The following EREG variants were observed in gnomAD, a reference collection of about 807,000 sequenced individuals.
EREG encodes the protein epiregulin.
Under a neutral mutation model 22.4 loss-of-function variants are expected in EREG, and 23 were observed. That is an observed-to-expected ratio of 1.03 (90% CI 0.74 to 1.46). The LOEUF (loss-of-function observed/expected upper bound fraction) is 1.46, where lower values mean the gene tolerates loss of function less well. Among genes scored for constraint, EREG ranks in the 40% most tolerant of loss-of-function variants. The pLI is 0.00. For synonymous variants in EREG, 100 were observed against 75.4 expected (o/e 1.33, Z -1.69); for missense variants, 226 against 205.9 (o/e 1.10, Z -0.60).
At chr4:74,377,532 G>A (rs531858614) in intron 1 of EREG, among the ~76,000 whole-genome samples, 1 of 152,206 alleles carries the variant, frequency 6.6e-6, no homozygotes, top group East Asian at 1.9e-4. Context: ...GCCCTGAGAG[G>A]ACTAAATAAT....
chr4:74,368,402 T>C (rs1183892918), intron 1 of EREG, among the ~76,000 whole-genome samples: 1 of 152,356 alleles, frequency 6.6e-6, no homozygotes, highest in East Asian at 1.9e-4. Context: ...AAGGTTTACA[T>C]TAAGTAAAGC....
intron 1 of EREG, among the ~76,000 whole-genome samples, chr4:74,375,550 C>T (rs976895235): frequency 6.7e-6 from 1 of 150,284 alleles, no homozygotes; most frequent in Non-Finnish European, 1.5e-5. Flanking sequence ...AGGATGGTCT[C>T]GATATCCTGA....
intron 1 of EREG, among the ~76,000 whole-genome samples, chr4:74,366,910 GA>G (rs1473411806): frequency 6.6e-6 from 1 of 152,136 alleles, no homozygotes. Context: ...CTGCCACTAG[GA>G]AAGTTCCTGT....
chr4:74,386,074 T>C lies in EREG; in HGVS notation c.*1266T>C. 3.0e-6 allele frequency: 1 copy of C among 338,954 alleles called. No individual in the cohort carries two copies. The highest frequency in any genetic ancestry group is 4.1e-5 in the East Asian group (1 of 24,342). 21.0% of individuals were successfully genotyped at this position (338,954 alleles called of 1,614,324 possible). ...TTTATTTTTTGGAAGAGACAAAGAT[T>C]TCTTCTGCACTCTGAGCCCATAGGT... On this transcript the variant is annotated 3_prime_UTR_variant, in exon 5 of 5. Transcript: ENST00000244869.
Position 74,372,975 on chromosome 4 carries a change from T to G in EREG, c.68-6473T>G, listed in dbSNP as rs1022021323. Among the ~76,000 whole-genome samples the G allele has an allele frequency of 9.5e-4, 6 of 6,316 alleles. No homozygotes were observed. The East Asian group carries it at 0.061, about 64-fold the overall frequency. The allele number at this position is 6,316 out of a possible 152,430, so 4.1% of individuals were successfully genotyped here. A position where few individuals can be genotyped will look rare whatever the true frequency, so the allele number is the denominator to read the frequency against. On this transcript the variant is annotated intron_variant, in intron 1 of 4. Coordinates refer to ENST00000244869, the MANE Select transcript of EREG (RefSeq NM_001432.3). ...GGCGCCCACCACCACATCTGGCTAATTTTTTTTTTTTTTTTTTTTTTTTTG... is the reference window on the plus strand; with the variant it reads ...GGCGCCCACCACCACATCTGGCTAAGTTTTTTTTTTTTTTTTTTTTTTTTG...
In EREG at chr4:74,384,738, G is replaced by A. The variant is rs35275884; in HGVS notation, c.440G>A (p.Arg147Gln). The change falls in exon 5 of 5, where the codon CGA becomes CAA. Residue 147 changes from arginine (R) to glutamine (Q), a missense_variant. By Grantham distance (43) the Arg-to-Gln change is conservative (BLOSUM62 1). Transcript: ENST00000244869. Reference protein sequence around the residue: ...TYYFCRWYRNRKSKEPKKEYE... With the variant: ...TYYFCRWYRNQKSKEPKKEYE... ...GTGAATATTTCCAGGTACAGAAATC[G>A]AAAAAGTAAAGAACCAAAGAAGGAA... 3,541 of 1,610,506 alleles carry A rather than the reference G, an allele frequency of 2.2e-3. 65 individuals carry two copies. In the African/African-American group the frequency reaches 0.041, roughly 19 times the overall value.
At chr4:74,371,371 A>G (rs983364172) in intron 1 of EREG, among the ~76,000 whole-genome samples, 1 of 152,186 alleles carries the variant, frequency 6.6e-6, no homozygotes, top group Non-Finnish European at 1.5e-5. Context: ...AGCACCGTTC[A>G]CATCTAATAA....
At position 74,382,757 on chromosome 4, in the gene EREG, A is replaced by G. The variant is rs146129458; in HGVS notation, c.391A>G (p.Ile131Val). 1.4e-5 allele frequency: 23 copies of G among 1,613,708 alleles called. No homozygotes were observed. Among genetic ancestry groups the G allele is most frequent in the Non-Finnish European group, 1.7e-5 (20 of 1,179,868 alleles). The change falls in exon 4 of 5, where the codon ATC becomes GTC. Residue 131 changes from isoleucine (I) to valine (V), a missense_variant. Coordinates refer to ENST00000244869, the MANE Select transcript of EREG (RefSeq NM_001432.3). ...CGTGATTCTTATTATTTTGTTTCTT[A>G]TCACAGTCGTCGGTTCCACATATTA... Reference protein sequence around the residue: ...LTVILIILFLITVVGSTYYFC... With the variant: ...LTVILIILFLVTVVGSTYYFC...
chr4:74,376,991 A>C lies in EREG; in HGVS notation c.68-2457A>C, dbSNP rs371757054. The stretch of plus-strand genomic sequence containing the variant: ...ACAAGCCTTCTCTAACTGAGAAAAA[A>C]TAAAATTCTTGTATTACACGAATTA... On this transcript the variant is annotated intron_variant, in intron 1 of 4. Transcript: ENST00000244869. Among the ~76,000 whole-genome samples the C allele has an allele frequency of 2.6e-5, 4 of 152,300 alleles. No homozygotes were observed. In the East Asian group the frequency reaches 7.7e-4, roughly 29 times the overall value.
intron 1 of EREG, among the ~76,000 whole-genome samples, chr4:74,371,186 C>T (rs1031874996): frequency 6.6e-6 from 1 of 152,124 alleles, no homozygotes; most frequent in Non-Finnish European, 1.5e-5. Flanking sequence ...GAACCAATAA[C>T]ATAAAATATA....
rs1416786948 is a variant in EREG at position 74,373,257 on chromosome 4, A to G, written c.68-6191A>G. 4.6e-5 allele frequency among the ~76,000 whole-genome samples: 7 copies of G among 152,220 alleles called. No homozygotes were observed. The East Asian group carries it at 1.3e-3, about 29-fold the overall frequency. On this transcript the variant is annotated intron_variant, in intron 1 of 4. Transcript: ENST00000244869. ...AGCTTTAAGTATAGCATTGTATGAT[A>G]ATATGTAAGCGAAATATATTAGCAT...
In EREG at chr4:74,388,102, G is replaced by A. The variant is rs1296278543; in HGVS notation, c.*3294G>A. 2.0e-5 allele frequency: 3 copies of A among 152,060 alleles called. No homozygotes were observed. Among genetic ancestry groups the A allele is most frequent in the East Asian group, 1.9e-4 (1 of 5,192 alleles). 9.4% of individuals were successfully genotyped at this position (152,060 alleles called of 1,614,324 possible). A position where few individuals can be genotyped will look rare whatever the true frequency, so the allele number is the denominator to read the frequency against. ...TGAGACTAAATTCAATCACCACCAG[G>A]TATCAAATCAACTTTTATGCAGCAA... On this transcript the variant is annotated 3_prime_UTR_variant, in exon 5 of 5. Coordinates refer to ENST00000244869, the MANE Select transcript of EREG (RefSeq NM_001432.3).
chr4:74,367,133 T>C (rs1752199681), intron 1 of EREG, among the ~76,000 whole-genome samples: 1 of 152,250 alleles, frequency 6.6e-6, no homozygotes, highest in Non-Finnish European at 1.5e-5. Flanking sequence ...AACTGCTTTA[T>C]GTAGTTATGA....
chr4:74,367,947 G>A (rs1043094802), intron 1 of EREG, among the ~76,000 whole-genome samples: 2 of 152,192 alleles, frequency 1.3e-5, no homozygotes, highest in African/African-American at 2.4e-5. Context: ...TGTATTAGGT[G>A]CTTTAAATAC....
chr4:74,381,824 A>T (rs1054083624), intron 3 of EREG: 2 of 150,064 alleles, frequency 1.3e-5, no homozygotes, highest in Non-Finnish European at 3.0e-5. Context: ...AAAATACAAA[A>T]AAAAAAAAAA....
intron 2 of EREG, 116 bp downstream of exon 2, chr4:74,379,650 A>G: frequency 5.1e-6 from 3 of 593,954 alleles, no homozygotes; most frequent in East Asian, 2.7e-5. Flanking sequence ...AATAGCTGCT[A>G]TATTACTTTT....
intron 1 of EREG, 51 bp downstream of exon 1, chr4:74,365,426 G>A: frequency 6.5e-7 from 1 of 1,535,442 alleles, no homozygotes; most frequent in South Asian, 1.1e-5. Flanking sequence ...AGACAAATAA[G>A]GAAGGCTCCT....
rs1314869384 is a variant in EREG, at chr4:74,388,552, T to C, written c.*3744T>C. On this transcript the variant is annotated 3_prime_UTR_variant, in exon 5 of 5. Transcript: ENST00000244869. Reference sequence around the variant, plus strand: ...ATTGCATGCAATTTGAAGTAACTTATTTGACTATGAATGTTATCGGATTAC... The same window carrying C: ...ATTGCATGCAATTTGAAGTAACTTACTTGACTATGAATGTTATCGGATTAC... The C allele has an allele frequency of 6.6e-6, 1 of 152,634 alleles. No individual in the cohort carries two copies. Among genetic ancestry groups the C allele is most frequent in the Non-Finnish European group, 1.5e-5 (1 of 68,016 alleles). 9.5% of individuals were successfully genotyped at this position (152,634 alleles called of 1,614,324 possible). A position where few individuals can be genotyped will look rare whatever the true frequency, so the allele number is the denominator to read the frequency against.
At position 74,385,754 on chromosome 4, in the gene EREG, A is replaced by G. The variant is rs1190614746; in HGVS notation, c.*946A>G. On this transcript the variant is annotated 3_prime_UTR_variant, in exon 5 of 5. Coordinates refer to ENST00000244869, the MANE Select transcript of EREG (RefSeq NM_001432.3). ...TTTGATGGACTAATTATTATTTTAA[A>G]ATATATGAAGACAATAATTCTACAT... The G allele has an allele frequency of 5.2e-6, 2 of 382,740 alleles. No individual in the cohort carries two copies. Among genetic ancestry groups the G allele is most frequent in the African/African-American group, 4.1e-5 (2 of 48,286 alleles). The allele number at this position is 382,740 out of a possible 1,614,324, so 23.7% of individuals were successfully genotyped here.
Sources: gnomAD v4.1 joint callset for allele counts (sites outside exome capture counted in the v4.1 genomes callset) on GRCh38, gnomAD v4.1.1 for gene constraint, MANE v1.5 for transcripts, NCBI Gene and HGNC (gene_info 2026-07-23, HGNC 2026-07-21) for gene names.